Variants in KIRREL3 observed in about 807,000 individuals in gnomAD.
KIRREL3 encodes kin of IRRE-like protein 3.
Under a neutral mutation model 89.7 loss-of-function variants are expected in KIRREL3, and 36 were observed. The ratio of observed to expected loss-of-function variants is 0.40; its 90% CI spans 0.31 to 0.53. KIRREL3 has a LOEUF of 0.53. KIRREL3 is among the 20% of genes least tolerant of loss of function. The pLI is 0.49. For missense variants in KIRREL3, 864 were observed against 1,056.6 expected (o/e 0.82, Z 2.53); for synonymous variants, 445 against 441.4 (o/e 1.01, Z -0.10).
chr11:126,560,424 G>T lies in KIRREL3; in HGVS notation c.133+2411C>A, dbSNP rs1018860139. On this transcript the variant is annotated intron_variant, in intron 2 of 16. Coordinates refer to ENST00000525144, the MANE Select transcript of KIRREL3 (RefSeq NM_032531.4). ...TCACGTGCCTCCTTAAATGATCTTT[G>T]AATAGCATTTTCTTTTTATTGCTTT... is the stretch of plus-strand genomic sequence containing the variant. Among the ~76,000 whole-genome samples, 3 of 152,260 alleles carry T rather than the reference G, an allele frequency of 2.0e-5. No individual in the cohort carries two copies. The East Asian group carries it at 5.8e-4, about 29-fold the overall frequency.
At chr11:126,986,901 G>A (rs1949882614) in intron 1 of KIRREL3, among the ~76,000 whole-genome samples, 1 of 152,232 alleles carries the variant, frequency 6.6e-6, no homozygotes, top group South Asian at 2.1e-4. Flanking sequence ...GACACCATAA[G>A]GAAGCAAGAC....
chr11:126,800,614 G>A (rs940761508), intron 1 of KIRREL3, among the ~76,000 whole-genome samples: 1 of 152,112 alleles, frequency 6.6e-6, no homozygotes, highest in Non-Finnish European at 1.5e-5. Flanking sequence ...TTTTCTGCCT[G>A]CAAACAGCAT....
At chr11:126,435,853 T>TC (rs1477685554) in intron 12 of KIRREL3, among the ~76,000 whole-genome samples, 1 of 152,098 alleles carries the variant, frequency 6.6e-6, no homozygotes, top group African/African-American at 2.4e-5. Flanking sequence ...TAAGAGGGTG[T>TC]CAGAGATCGT....
At chr11:126,959,920 C>T (rs1177785294) in intron 1 of KIRREL3, among the ~76,000 whole-genome samples, 1 of 152,196 alleles carries the variant, frequency 6.6e-6, no homozygotes, top group Non-Finnish European at 1.5e-5. Context: ...ACTCACTGCA[C>T]ATGTTTGTAT....
rs1405073768 is a variant in KIRREL3, at chr11:126,491,603, C to G, written c.434-18137G>C. Among the ~76,000 whole-genome samples, 2 of 152,332 alleles carry G rather than the reference C, an allele frequency of 1.3e-5. No individual in the cohort carries two copies. The highest frequency in any genetic ancestry group is 2.1e-4 in the South Asian group (1 of 4,830). ...CAGAGAGAAGACCCAGGAGTTCAAG[C>G]ATGGTGCAGAGAAGTTGAGCAACAT... On this transcript the variant is annotated intron_variant, in intron 4 of 16. Coordinates refer to ENST00000525144, the MANE Select transcript of KIRREL3 (RefSeq NM_032531.4). The surrounding 1 kb of genome is among the most constrained non-coding windows in gnomAD (Gnocchi z 5.5).
chr11:126,510,842 C>T (rs1163357265), intron 4 of KIRREL3, among the ~76,000 whole-genome samples: 5 of 152,200 alleles, frequency 3.3e-5, no homozygotes, highest in Non-Finnish European at 7.3e-5. Context: ...AGGATTGGGT[C>T]TGGTGCTGCT....
At position 126,544,726 on chromosome 11, in the gene KIRREL3, C is replaced by A. The variant is rs1938645122; in HGVS notation, c.134-18039G>T. 6.6e-6 allele frequency among the ~76,000 whole-genome samples: 1 copy of A among 152,092 alleles called. No homozygotes were observed. Among genetic ancestry groups the A allele is most frequent in the Non-Finnish European group, 1.5e-5 (1 of 68,004 alleles). On this transcript the variant is annotated intron_variant, in intron 2 of 16. Coordinates refer to ENST00000525144, the MANE Select transcript of KIRREL3 (RefSeq NM_032531.4). This position sits in a 1 kb window ranked among gnomAD's most constrained non-coding sequence, Gnocchi z 5.6. ...TGGGTGGAGAGTGCAGGGAGCTGTC[C>A]TTGGTTGGCAGCATCAAGATAATCG...
chr11:126,929,054 C>T (rs959288837), intron 1 of KIRREL3, among the ~76,000 whole-genome samples: 2 of 152,166 alleles, frequency 1.3e-5, no homozygotes, highest in African/African-American at 4.8e-5. Flanking sequence ...GTACATACCC[C>T]TTAGGAGCTT....
intron 1 of KIRREL3, among the ~76,000 whole-genome samples, chr11:126,831,435 T>TTCTC (rs5795530): frequency 0.25 from 38,003 of 149,814 alleles, 4,808 homozygotes; most frequent in East Asian, 0.32. Flanking sequence ...CTCTCTCTCT[T>TTCTC]TCTCTCTCTC....
In KIRREL3 at chr11:126,562,019, C is replaced by T. The variant is rs1043122979; in HGVS notation, c.133+816G>A. 3.9e-5 allele frequency among the ~76,000 whole-genome samples: 6 copies of T among 152,192 alleles called. No homozygotes were observed. Among genetic ancestry groups the T allele is most frequent in the African/African-American group, 1.4e-4 (6 of 41,448 alleles). ...GGGGAGGGGTCCAGCCCATGGCAAG[C>T]ATGGCTGGTGGGAGCCAAGGCTTCA... is the stretch of plus-strand genomic sequence containing the variant. On this transcript the variant is annotated intron_variant, in intron 2 of 16. Transcript: ENST00000525144. The surrounding 1 kb of genome is among the most constrained non-coding windows in gnomAD (Gnocchi z 4.7).
chr11:126,835,868 C>T (rs902313317), intron 1 of KIRREL3, among the ~76,000 whole-genome samples: 1 of 152,206 alleles, frequency 6.6e-6, no homozygotes, highest in Admixed American at 6.5e-5. Flanking sequence ...CACCAGTGCA[C>T]TAGAGACTGA....
Position 126,622,633 on chromosome 11 carries a change from G to C in KIRREL3, c.56-59721C>G, listed in dbSNP as rs1943618928. Among the ~76,000 whole-genome samples, 1 of 152,176 alleles carries C rather than the reference G, an allele frequency of 6.6e-6. No individual in the cohort carries two copies. Among genetic ancestry groups the C allele is most frequent in the Admixed American group, 6.5e-5 (1 of 15,282 alleles). On this transcript the variant is annotated intron_variant, in intron 1 of 16. Coordinates refer to ENST00000525144, the MANE Select transcript of KIRREL3 (RefSeq NM_032531.4). The surrounding 1 kb of genome is among the most constrained non-coding windows in gnomAD (Gnocchi z 5.2). ...GAACCCTGGAGGCGGAGGTTGCAGT[G>C]AGCTGAGATCACGCCAGTGCACTCC... is the stretch of plus-strand genomic sequence containing the variant.
rs919947283 is a variant in KIRREL3, at chr11:126,643,920, CAG to C, written c.56-81010_56-81009del. On this transcript the variant is annotated intron_variant, in intron 1 of 16. Coordinates refer to ENST00000525144, the MANE Select transcript of KIRREL3 (RefSeq NM_032531.4). This position sits in a 1 kb window ranked among gnomAD's most constrained non-coding sequence, Gnocchi z 4.5. ...TGATGTCAACTCTAGCTCGAGAACA[CAG>C]AGAAAAGGCAAGAGTTTTTGCAGGA... Among the ~76,000 whole-genome samples the C allele has an allele frequency of 2.0e-5, 3 of 152,172 alleles. No homozygotes were observed. The highest frequency in any genetic ancestry group is 2.9e-5 in the Non-Finnish European group (2 of 68,034).
intron 1 of KIRREL3, among the ~76,000 whole-genome samples, chr11:126,706,658 A>G (rs1947538915): frequency 6.6e-6 from 1 of 152,172 alleles, no homozygotes; most frequent in Non-Finnish European, 1.5e-5. Flanking sequence ...CAAACCTTTC[A>G]TCTTCGGTTG....
rs113299924 is a variant in KIRREL3 at position 126,693,950 on chromosome 11, C to T, written c.56-131038G>A. 5.5e-4 allele frequency among the ~76,000 whole-genome samples: 84 copies of T among 152,334 alleles called. 1 individual carries two copies. The highest frequency in any genetic ancestry group is 1.9e-3 in the African/African-American group (81 of 41,578). On this transcript the variant is annotated intron_variant, in intron 1 of 16. Coordinates refer to ENST00000525144, the MANE Select transcript of KIRREL3 (RefSeq NM_032531.4). ...CCCCTGTCTGCCCACCTTGTCTTCT[C>T]GGGCCCTCAAAACTTAAGCCAGAAG... is the stretch of plus-strand genomic sequence containing the variant.
At chr11:126,679,975 G>A (rs552124995) in intron 1 of KIRREL3, among the ~76,000 whole-genome samples, 5 of 152,312 alleles carry the variant, frequency 3.3e-5, no homozygotes, top group South Asian at 2.1e-4. Context: ...CTCTCCTTCC[G>A]TGGCATTTGA....
At chr11:126,547,695 C>A (rs1591715654) in intron 2 of KIRREL3, among the ~76,000 whole-genome samples, 1 of 152,132 alleles carries the variant, frequency 6.6e-6, no homozygotes, top group Non-Finnish European at 1.5e-5. Flanking sequence ...GCCTGAGTGG[C>A]GGAGTGGGGG....
Position 126,431,506 on chromosome 11 carries a change from TGAC to T in KIRREL3, c.1606_1608del (p.Val536del), listed in dbSNP as rs762150216. ...CCAGCTCCTACGGCCACCCCAATGATGACGGCCATCGGCACAGACTCTGTGGGA... is the reference window on the plus strand; with the variant it reads ...CCAGCTCCTACGGCCACCCCAATGATGGCCATCGGCACAGACTCTGTGGGA... On this transcript the variant is annotated inframe_deletion, in exon 14 of 17. Transcript: ENST00000525144. The surrounding 1 kb of genome is among the most constrained non-coding windows in gnomAD (Gnocchi z 7.1). 45 of 1,613,804 alleles carry T rather than the reference TGAC, an allele frequency of 2.8e-5. 1 individual carries two copies. Among genetic ancestry groups the T allele is most frequent in the Non-Finnish European group, 3.6e-5 (43 of 1,179,880 alleles).
rs552012221 is a variant in KIRREL3 at position 126,795,313 on chromosome 11, TG to T, written c.55+205141del. On this transcript the variant is annotated intron_variant, in intron 1 of 16. Coordinates refer to ENST00000525144, the MANE Select transcript of KIRREL3 (RefSeq NM_032531.4). This position sits in a 1 kb window ranked among gnomAD's most constrained non-coding sequence, Gnocchi z 4.1. ...CTACACTAATGCAAGATGCTAATAA[TG>T]GGGGAAACTCAGGGCAGAGGTTGGG... is the stretch of plus-strand genomic sequence containing the variant. 1.3e-3 allele frequency among the ~76,000 whole-genome samples: 196 copies of T among 152,278 alleles called. 2 individuals are homozygous for T. Among genetic ancestry groups the T allele is most frequent in the African/African-American group, 4.4e-3 (181 of 41,558 alleles).
Sources: gnomAD v4.1 joint callset for allele counts (sites outside exome capture counted in the v4.1 genomes callset) on GRCh38, gnomAD v4.1.1 for gene constraint, Gnocchi (gnomAD v3.1) non-coding constraint, MANE v1.5 for transcripts, NCBI Gene and HGNC (gene_info 2026-07-23, HGNC 2026-07-21) for gene names.